Variants in RICTOR observed in about 807,000 individuals in gnomAD.
RICTOR encodes rapamycin-insensitive companion of mTOR.
Under a neutral mutation model 214.9 loss-of-function variants are expected in RICTOR, and 49 were observed. The ratio of observed to expected loss-of-function variants is 0.23; its 90% CI spans 0.18 to 0.29. The LOEUF (loss-of-function observed/expected upper bound fraction) is 0.29. RICTOR is among the 10% of genes least tolerant of loss of function. The pLI is 1.00. For missense variants in RICTOR, 1,625 were observed against 2,047.0 expected (o/e 0.79, Z 3.98); for synonymous variants, 717 against 711.3 (o/e 1.01, Z -0.13).
At chr5:39,026,963 G>A (rs937492175) in intron 2 of RICTOR, among the ~76,000 whole-genome samples, 6 of 151,934 alleles carry the variant, frequency 3.9e-5, no homozygotes, top group South Asian at 4.2e-4. Context: ...AGCCGAGATC[G>A]CACCATTGCA....
intron 2 of RICTOR, among the ~76,000 whole-genome samples, chr5:39,047,072 C>A (rs563364148): frequency 6.6e-6 from 1 of 152,160 alleles, no homozygotes; most frequent in South Asian, 2.1e-4. Flanking sequence ...TAAAAAAAAA[C>A]TTAAAAAAAT....
chr5:38,950,802 A>G, intron 30 of RICTOR, 82 bp from the exon 31 acceptor site: 4 of 1,290,660 alleles, frequency 3.1e-6, no homozygotes, highest in Non-Finnish European at 4.2e-6. Flanking sequence ...CATTTCAGGA[A>G]ATTTTTTTTT....
intron 2 of RICTOR, among the ~76,000 whole-genome samples, chr5:39,066,989 CA>C (rs1758951246): frequency 6.6e-6 from 1 of 152,212 alleles, no homozygotes; most frequent in Admixed American, 6.5e-5. Context: ...CTGAGTCCTC[CA>C]AACTCTTCCA....
At position 38,959,889 on chromosome 5, in the gene RICTOR, T is replaced by C; in HGVS notation, c.1941A>G (p.Gln647=). 1 of 1,613,160 alleles carries C rather than the reference T, an allele frequency of 6.2e-7. No individual in the cohort carries two copies. The highest frequency in any genetic ancestry group is 8.5e-7 in the Non-Finnish European group (1 of 1,179,204). ...TAAGGGTGGTCAATAAACCATTATT[T>C]TGAAGACTTCTTTCGGGTTTCATTC... The part of the protein sequence containing the change: ...SSGMKPERSL[Q]NNGLLTTLSQ... Residue 647 remains glutamine (Q), a synonymous_variant, in exon 21 of 38, where the codon CAA becomes CAG. Transcript: ENST00000357387.
rs146394504 is a variant in RICTOR at position 38,964,391 on chromosome 5, T to C, written c.1400+401A>G. ...TGGCCCAGTAGTACTTGTTACTAAA[T>C]TGCAACATTTTTAACCACGCAAATA... On this transcript the variant is annotated intron_variant, in intron 16 of 37. Transcript: ENST00000357387. 6.8e-3 allele frequency among the ~76,000 whole-genome samples: 1,035 copies of C among 151,892 alleles called. 12 individuals carry two copies. Among genetic ancestry groups the C allele is most frequent in the African/African-American group, 0.024 (985 of 41,498 alleles).
Position 38,971,972 on chromosome 5 carries a change from G to T in RICTOR, c.890-13C>A. ...AAATTAATAATACCTAAAGAGGACAGAAAGAAAAAAAAATCACTGACATGA... is the reference window on the plus strand; with the variant it reads ...AAATTAATAATACCTAAAGAGGACATAAAGAAAAAAAAATCACTGACATGA... On this transcript the variant is annotated splice_polypyrimidine_tract_variant and intron_variant, in intron 10 of 37. Coordinates refer to ENST00000357387, the MANE Select transcript of RICTOR (RefSeq NM_152756.5). 8.6e-7 allele frequency: 1 copy of T among 1,164,214 alleles called. No individual in the cohort carries two copies. Among genetic ancestry groups the T allele is most frequent in the South Asian group, 1.4e-5 (1 of 73,718 alleles). 72.1% of individuals were successfully genotyped at this position (1,164,214 alleles called of 1,614,324 possible). A position where few individuals can be genotyped will look rare whatever the true frequency, so the allele number is the denominator to read the frequency against.
At chr5:39,070,973 T>TA (rs1759280252) in intron 2 of RICTOR, among the ~76,000 whole-genome samples, 1 of 152,210 alleles carries the variant, frequency 6.6e-6, no homozygotes, top group Admixed American at 6.5e-5. Context: ...ACGCTGACTG[T>TA]AAAGTCTACT....
At chr5:39,048,875 G>C (rs754491495) in intron 2 of RICTOR, among the ~76,000 whole-genome samples, 1 of 152,022 alleles carries the variant, frequency 6.6e-6, no homozygotes, top group Non-Finnish European at 1.5e-5. Flanking sequence ...AATTTGTTAC[G>C]CATAAAGTTA....
In RICTOR at chr5:38,939,890, A is replaced by C. The variant is rs148657889; in HGVS notation, c.*2414T>G. Reference sequence around the variant, plus strand: ...TTAATATTTTTAAACACTTAAGTTAATCACTTGGCACTGCATGTATTTTTC... The same window carrying C: ...TTAATATTTTTAAACACTTAAGTTACTCACTTGGCACTGCATGTATTTTTC... On this transcript the variant is annotated 3_prime_UTR_variant, in exon 38 of 38. Coordinates refer to ENST00000357387, the MANE Select transcript of RICTOR (RefSeq NM_152756.5). 18 of 227,124 alleles carry C rather than the reference A, an allele frequency of 7.9e-5. No individual in the cohort carries two copies. The highest frequency in any genetic ancestry group is 1.1e-4 in the Non-Finnish European group (13 of 114,150). 14.1% of individuals were successfully genotyped at this position (227,124 alleles called of 1,614,324 possible).
chr5:38,996,000 C>G (rs2548797), intron 6 of RICTOR, among the ~76,000 whole-genome samples: 7,481 of 152,166 alleles, frequency 0.049, 351 homozygotes, highest in African/African-American at 0.12. Flanking sequence ...AAGGGAAAAA[C>G]AGGGAACCCT....
At chr5:38,960,764 G>C (rs1749724929) in intron 19 of RICTOR, among the ~76,000 whole-genome samples, 1 of 152,078 alleles carries the variant, frequency 6.6e-6, no homozygotes. Flanking sequence ...TGTCATGAAA[G>C]GGACCTCATG....
At chr5:39,029,575 T>G (rs1353899207) in intron 2 of RICTOR, among the ~76,000 whole-genome samples, 1 of 152,138 alleles carries the variant, frequency 6.6e-6, no homozygotes, top group African/African-American at 2.4e-5. Context: ...TATAGTAAAT[T>G]AATGACCAAA....
At chr5:39,007,272 T>C (rs1040914404) in intron 3 of RICTOR, among the ~76,000 whole-genome samples, 21 of 151,998 alleles carry the variant, frequency 1.4e-4, no homozygotes, top group Admixed American at 1.4e-3. Flanking sequence ...GTTGGCAGGG[T>C]TGTTGTTTTT....
intron 3 of RICTOR, among the ~76,000 whole-genome samples, chr5:39,018,717 T>C (rs905089915): frequency 6.6e-6 from 1 of 152,044 alleles, no homozygotes; most frequent in Non-Finnish European, 1.5e-5. Context: ...CCCTCTCTCC[T>C]TGGGCCTATT....
rs1748844975 is a variant in RICTOR at position 38,952,136 on chromosome 5, A to G, written c.3127+60T>C. 2.9e-6 allele frequency: 3 copies of G among 1,052,578 alleles called. No individual in the cohort carries two copies. In the Admixed American group the frequency reaches 6.2e-5, roughly 22 times the overall value. The allele number at this position is 1,052,578 out of a possible 1,614,324, so 65.2% of individuals were successfully genotyped here. A position where few individuals can be genotyped will look rare whatever the true frequency, so the allele number is the denominator to read the frequency against. Reference sequence around the variant, plus strand: ...AATGTAACAAATACATTTAAATTCTAAAATTCAAATATAAATGTTAACATT... The same window carrying G: ...AATGTAACAAATACATTTAAATTCTGAAATTCAAATATAAATGTTAACATT... On this transcript the variant is annotated intron_variant, in intron 30 of 37. Coordinates refer to ENST00000357387, the MANE Select transcript of RICTOR (RefSeq NM_152756.5).
At chr5:39,061,495 T>C (rs150480480) in intron 2 of RICTOR, among the ~76,000 whole-genome samples, 1 of 152,166 alleles carries the variant, frequency 6.6e-6, no homozygotes, top group East Asian at 1.9e-4. Context: ...CTTCCAAATA[T>C]TCTTAGAAAC....
intron 33 of RICTOR, among the ~76,000 whole-genome samples, chr5:38,946,145 TAAAC>T (rs915289569): frequency 3.9e-5 from 6 of 152,176 alleles, no homozygotes; most frequent in Non-Finnish European, 8.8e-5. Context: ...CTCCTTACTC[TAAAC>T]AAACAGCTAT....
intron 2 of RICTOR, among the ~76,000 whole-genome samples, chr5:39,033,624 G>C (rs909791484): frequency 2.0e-5 from 3 of 151,986 alleles, no homozygotes; most frequent in African/African-American, 7.2e-5. Flanking sequence ...CTGCTGATTT[G>C]TAACATATTA....
rs895365701 is a variant in RICTOR, at chr5:39,029,295, T to C, written c.98-8159A>G. ...CTTTACATATTTAAACACACACATA[T>C]ACAAAGATACATAATACATACACCA... On this transcript the variant is annotated intron_variant, in intron 2 of 37. Coordinates refer to ENST00000357387, the MANE Select transcript of RICTOR (RefSeq NM_152756.5). Among the ~76,000 whole-genome samples, 31 of 152,226 alleles carry C rather than the reference T, an allele frequency of 2.0e-4. No individual in the cohort carries two copies. In the East Asian group the frequency reaches 5.8e-3, roughly 28 times the overall value.
Sources: allele counts gnomAD v4.1 joint callset (sites outside exome capture counted in the v4.1 genomes callset), GRCh38; gene constraint gnomAD v4.1.1; transcripts MANE v1.5; gene names NCBI Gene and HGNC (gene_info 2026-07-23, HGNC 2026-07-21).